The following FBH1 variants were observed in gnomAD, a reference collection of about 807,000 sequenced individuals.
The protein encoded by FBH1 is DNA 3'-5' helicase 1.
FBH1 carries 43 observed loss-of-function variants against 115.5 expected under a neutral mutation model. The observed-to-expected ratio is 0.37, with a 90% confidence interval of 0.29 to 0.48. The LOEUF (loss-of-function observed/expected upper bound fraction) is 0.48, where lower values mean the gene tolerates loss of function less well. Among genes scored for constraint, FBH1 ranks in the 20% least tolerant of loss-of-function variants. FBH1 has a pLI of 0.99. For missense variants in FBH1, 1,001 were observed against 1,337.3 expected, an observed-to-expected ratio of 0.75 and a Z score of 3.92; for synonymous variants, 524 against 507.8, an observed-to-expected ratio of 1.03 and a Z score of -0.43.
rs646490 is a variant in FBH1 at position 5,909,642 on chromosome 10, T to G, written c.1020+348T>G. ...CAGCCCACCCCATTATCAACAAGTT[T>G]GCTTATTTGAAAGGGACAGAAAAAT... On this transcript the variant is annotated intron_variant, in intron 5 of 20. Transcript: ENST00000362091. The surrounding 1 kb of genome is among the most constrained non-coding windows in gnomAD (Gnocchi z 4.4). Among the ~76,000 whole-genome samples, 125,291 of 152,144 alleles carry G rather than the reference T, an allele frequency of 0.82. 51,955 individuals are homozygous for G. Among genetic ancestry groups the G allele is most frequent in the Admixed American group, 0.87 (13,341 of 15,302 alleles).
intron 3 of FBH1, 114 bp from the exon 4 acceptor site, chr10:5,908,811 A>C (rs143286805): frequency 5.8e-6 from 7 of 1,196,968 alleles, no homozygotes; most frequent in Non-Finnish European, 8.4e-6. Context: ...GGGCTTCACC[A>C]TGTTGGCCAT....
rs1564440281 is a variant in FBH1, at chr10:5,906,627, C to G, written c.748C>G (p.Pro250Ala). ...CHLWREIISD[P>A]LFIPWKKLYH... ...CTTGTGGAGGGAGATCATCAGTGAC[C>G]CGCTGGTGAGTGAGTGCTGGAGTCG... Residue 250 changes from proline to alanine, a missense_variant, in exon 3 of 21, where the codon CCG becomes GCG. Pro to Ala is a conservative substitution (Grantham distance 27). Coordinates refer to ENST00000362091, the MANE Select transcript of FBH1 (RefSeq NM_178150.3). This position sits in a 1 kb window ranked among gnomAD's most constrained non-coding sequence, Gnocchi z 7.3. 6.2e-7 allele frequency: 1 copy of G among 1,602,234 alleles called. No individual in the cohort carries two copies. Among genetic ancestry groups the G allele is most frequent in the Non-Finnish European group, 8.5e-7 (1 of 1,174,816 alleles).
At chr10:5,889,983 C>T (rs1842597322), upstream of FBH1, 1 of 212,850 alleles carries the variant, frequency 4.7e-6, no homozygotes, top group African/African-American at 2.3e-5. Context: ...TCGGGGAGCT[C>T]GAAGGAACTC....
chr10:5,898,333 C>G (rs775912717), intron 1 of FBH1, among the ~76,000 whole-genome samples: 3 of 152,210 alleles, frequency 2.0e-5, no homozygotes, highest in Non-Finnish European at 1.5e-5. Context: ...AGGGAGCTCT[C>G]TGAGACCTCT....
intron 19 of FBH1, among the ~76,000 whole-genome samples, chr10:5,930,085 TAAAG>T (rs201778982): frequency 0.019 from 2,840 of 152,224 alleles, 79 homozygotes; most frequent in African/African-American, 0.065. Flanking sequence ...CATTAAAAAG[TAAAG>T]AAAGCAATAC....
chr10:5,903,070 G>A lies in FBH1; in HGVS notation c.52G>A (p.Ala18Thr). Reference protein sequence around the residue: ...HLTAIDCQHLARSHLAVTQPF... With the variant: ...HLTAIDCQHLTRSHLAVTQPF... Reference sequence around the variant, plus strand: ...TACTGCCATTGACTGCCAGCATTTGGCTCGGAGTCACTTGGCTGTGACCCA... The same window carrying A: ...TACTGCCATTGACTGCCAGCATTTGACTCGGAGTCACTTGGCTGTGACCCA... Residue 18 changes from alanine to threonine, a missense_variant, in exon 2 of 21, where the codon GCT becomes ACT. Around this residue, in one of 4 missense-constraint regions of FBH1, gnomAD observed 420 missense variants for 430.4 expected, o/e 0.98. Transcript: ENST00000362091. 6.2e-7 allele frequency: 1 copy of A among 1,613,654 alleles called. No homozygotes were observed. The highest frequency in any genetic ancestry group is 8.5e-7 in the Non-Finnish European group (1 of 1,179,808).
chr10:5,915,289 A>T lies in FBH1; in HGVS notation c.1397-114A>T. The T allele has an allele frequency of 9.2e-7, 1 of 1,087,372 alleles. No homozygotes were observed. Among genetic ancestry groups the T allele is most frequent in the Non-Finnish European group, 1.3e-6 (1 of 766,738 alleles). The allele number at this position is 1,087,372 out of a possible 1,614,324, so 67.4% of individuals were successfully genotyped here. A position where few individuals can be genotyped will look rare whatever the true frequency, so the allele number is the denominator to read the frequency against. Reference sequence around the variant, plus strand: ...TTTTACCAGCACTGAAAAACTTGTTACTGTCCTGCTCTCAAGACAGAGGTG... The same window carrying T: ...TTTTACCAGCACTGAAAAACTTGTTTCTGTCCTGCTCTCAAGACAGAGGTG... On this transcript the variant is annotated intron_variant, in intron 8 of 20. Coordinates refer to ENST00000362091, the MANE Select transcript of FBH1 (RefSeq NM_178150.3). This position sits in a 1 kb window ranked among gnomAD's most constrained non-coding sequence, Gnocchi z 5.2.
chr10:5,908,781 A>AT (rs374840844), intron 3 of FBH1, 144 bp from the exon 4 acceptor site: 108 of 876,168 alleles, frequency 1.2e-4, no homozygotes, highest in Middle Eastern at 3.3e-4. Flanking sequence ...TAATTTTTGT[A>AT]TTTTTTTTCA....
chr10:5,891,477 C>G (rs1842723435), intron 1 of FBH1, among the ~76,000 whole-genome samples: 1 of 152,244 alleles, frequency 6.6e-6, no homozygotes, highest in Non-Finnish European at 1.5e-5. Context: ...GTTGAGGCAT[C>G]TGGTAGCTTC....
At chr10:5,902,322 A>T (rs1211469676) in intron 1 of FBH1, among the ~76,000 whole-genome samples, 4 of 152,098 alleles carry the variant, frequency 2.6e-5, no homozygotes, top group Non-Finnish European at 5.9e-5. Context: ...TACTACAATT[A>T]AAAAAAATTT....
intron 1 of FBH1, 32 bp from the exon 2 acceptor site, chr10:5,902,988 T>C (rs765170378): frequency 1.9e-6 from 3 of 1,573,514 alleles, no homozygotes; most frequent in South Asian, 1.2e-5. Context: ...CTAATGAATA[T>C]CCCCTTTCTT....
chr10:5,898,535 T>C (rs1843143052), intron 1 of FBH1, among the ~76,000 whole-genome samples: 1 of 152,150 alleles, frequency 6.6e-6, no homozygotes, highest in African/African-American at 2.4e-5. Context: ...CTCAGCCTCC[T>C]GAGTAGCTGG....
chr10:5,895,776 C>A lies in FBH1; in HGVS notation c.1+5430C>A, dbSNP rs1842968646. 6.6e-6 allele frequency among the ~76,000 whole-genome samples: 1 copy of A among 151,988 alleles called. No homozygotes were observed. The highest frequency in any genetic ancestry group is 2.4e-5 in the African/African-American group (1 of 41,354). Reference sequence around the variant, plus strand: ...AAGGATGTCCTGGGAATCAGCTTCCCAGTTAAGGGGAAGAGGAGAAGAGTG... The same window carrying A: ...AAGGATGTCCTGGGAATCAGCTTCCAAGTTAAGGGGAAGAGGAGAAGAGTG... On this transcript the variant is annotated intron_variant, in intron 1 of 20. Transcript: ENST00000362091. The surrounding 1 kb of genome is among the most constrained non-coding windows in gnomAD (Gnocchi z 5.0).
chr10:5,899,954 T>C (rs531758707), intron 1 of FBH1, among the ~76,000 whole-genome samples: 50 of 152,378 alleles, frequency 3.3e-4, no homozygotes, highest in African/African-American at 1.2e-3. Flanking sequence ...GATGATTTGC[T>C]GTTGTTTTCC....
chr10:5,929,190 G>A (rs1214482509), intron 19 of FBH1, among the ~76,000 whole-genome samples: 3 of 152,204 alleles, frequency 2.0e-5, no homozygotes, highest in East Asian at 1.9e-4. Context: ...CCATCCAGGC[G>A]AGGAGATGGA....
Position 5,923,791 on chromosome 10 carries a change from C to G in FBH1, c.2398+95C>G, listed in dbSNP as rs1200805772. 1 of 1,199,238 alleles carries G rather than the reference C, an allele frequency of 8.3e-7. No individual in the cohort carries two copies. Among genetic ancestry groups the G allele is most frequent in the African/African-American group, 1.5e-5 (1 of 65,598 alleles). The allele number at this position is 1,199,238 out of a possible 1,614,324, so 74.3% of individuals were successfully genotyped here. ...CCCAGTCTGAGTCAGGGACCCGTTTCCCTCCAGAGAAGGGCGAGCTAGTGT... is the reference window on the plus strand; with the variant it reads ...CCCAGTCTGAGTCAGGGACCCGTTTGCCTCCAGAGAAGGGCGAGCTAGTGT... On this transcript the variant is annotated intron_variant, in intron 16 of 20. Coordinates refer to ENST00000362091, the MANE Select transcript of FBH1 (RefSeq NM_178150.3). This position sits in a 1 kb window ranked among gnomAD's most constrained non-coding sequence, Gnocchi z 5.7.
chr10:5,900,184 A>G lies in FBH1; in HGVS notation c.2-2836A>G, dbSNP rs189188133. On this transcript the variant is annotated intron_variant, in intron 1 of 20. Transcript: ENST00000362091. This position sits in a 1 kb window ranked among gnomAD's most constrained non-coding sequence, Gnocchi z 4.2. Reference sequence around the variant, plus strand: ...TCTTTATAATTTGAAGGATATTTCAATGTCTTAGGCAGGCTACTCACATAA... The same window carrying G: ...TCTTTATAATTTGAAGGATATTTCAGTGTCTTAGGCAGGCTACTCACATAA... Among the ~76,000 whole-genome samples, 17 of 152,350 alleles carry G rather than the reference A, an allele frequency of 1.1e-4. No individual in the cohort carries two copies. In the East Asian group the frequency reaches 3.3e-3, roughly 29 times the overall value.
rs559443889 is a variant in FBH1 at position 5,925,107 on chromosome 10, C to G, written c.2597-260C>G. Among the ~76,000 whole-genome samples, 2 of 152,310 alleles carry G rather than the reference C, an allele frequency of 1.3e-5. No individual in the cohort carries two copies. Among genetic ancestry groups the G allele is most frequent in the South Asian group, 4.1e-4 (2 of 4,822 alleles). On this transcript the variant is annotated intron_variant, in intron 17 of 20. Transcript: ENST00000362091. The surrounding 1 kb of genome is among the most constrained non-coding windows in gnomAD (Gnocchi z 4.6). ...GATCCAGACGGTGGGTGGAGCCACT[C>G]TGTCCTCTGGGATGTGATTCCGAGA...
chr10:5,906,054 T>C lies in FBH1; in HGVS notation c.175T>C (p.Cys59Arg). The change falls in exon 3 of 21, where the codon TGC (cysteine) becomes CGC (arginine). Residue 59 changes from cysteine (C) to arginine (R), a missense_variant. Around this residue, in one of 4 missense-constraint regions of FBH1, gnomAD observed 420 missense variants for 430.4 expected, o/e 0.98. Coordinates refer to ENST00000362091, the MANE Select transcript of FBH1 (RefSeq NM_178150.3). The surrounding 1 kb of genome is among the most constrained non-coding windows in gnomAD (Gnocchi z 7.3). ...CTCTACAGGTCAGGGAAGTCAAAGA[T>C]GCATCCCTGAGTTCTTCCTAGCAGG... The part of the protein sequence containing the change: ...RGSRGQGSQR[C>R]IPEFFLAGKQ... 1.2e-6 allele frequency: 2 copies of C among 1,608,764 alleles called. No homozygotes were observed. The highest frequency in any genetic ancestry group is 1.7e-6 in the Non-Finnish European group (2 of 1,175,480).
Sources: gnomAD v4.1 joint callset for allele counts (sites outside exome capture counted in the v4.1 genomes callset) on GRCh38, gnomAD v4.1.1 for gene constraint, gnomAD v4.1.1 regional missense constraint, Gnocchi (gnomAD v3.1) non-coding constraint, MANE v1.5 for transcripts, NCBI Gene and HGNC (gene_info 2026-07-23, HGNC 2026-07-21) for gene names.